STK32B: variants seen among roughly 807,000 people sequenced by gnomAD.
STK32B encodes serine/threonine kinase 32B.
STK32B carries 43 observed loss-of-function variants against 52.6 expected under a neutral mutation model. The observed-to-expected ratio is 0.82, with a 90% CI of 0.64 to 1.05. The LOEUF (loss-of-function observed/expected upper bound fraction) is 1.05. Ranked by LOEUF, STK32B falls within the 50% of genes least tolerant of loss-of-function variation. The pLI, the probability that STK32B is intolerant of heterozygous loss-of-function variation, is 0.00. For synonymous variants in STK32B, 238 were observed against 204.3 expected, an observed-to-expected ratio of 1.17 and a Z score of -1.41; for missense variants, 621 against 534.6, an observed-to-expected ratio of 1.16 and a Z score of -1.59.
chr4:5,465,895 G>C (rs919417410), intron 9 of STK32B, among the ~76,000 whole-genome samples: 2 of 152,094 alleles, frequency 1.3e-5, no homozygotes, highest in African/African-American at 4.8e-5. Context: ...GTACTTTATA[G>C]ATATTATATT....
intron 3 of STK32B, among the ~76,000 whole-genome samples, chr4:5,280,977 G>A (rs1225212624): frequency 2.6e-5 from 4 of 152,090 alleles, no homozygotes; most frequent in African/African-American, 7.2e-5. Context: ...AAAAAAACAG[G>A]TTTAATTGAC....
At position 5,142,906 on chromosome 4, in the gene STK32B, T is replaced by G. The variant is rs866371113; in HGVS notation, c.108+2946T>G. 3.3e-5 allele frequency among the ~76,000 whole-genome samples: 5 copies of G among 152,128 alleles called. No homozygotes were observed. In the East Asian group the frequency reaches 9.7e-4, roughly 29 times the overall value. ...GGCCTCATCCAACCATTTGAAGACTTTAGGAGAAAAAGGCTGACTTCCCTG... is the reference window on the plus strand; with the variant it reads ...GGCCTCATCCAACCATTTGAAGACTGTAGGAGAAAAAGGCTGACTTCCCTG... On this transcript the variant is annotated intron_variant, in intron 2 of 11. Coordinates refer to ENST00000282908, the MANE Select transcript of STK32B (RefSeq NM_018401.3).
At chr4:5,071,242 C>G (rs12643314) in intron 1 of STK32B, among the ~76,000 whole-genome samples, 52,161 of 152,012 alleles carry the variant, frequency 0.34, 10,345 homozygotes, top group East Asian at 0.49. Context: ...GCCAGGAAAA[C>G]ATGTTACTCC....
intron 4 of STK32B, among the ~76,000 whole-genome samples, chr4:5,374,026 A>G (rs1735422174): frequency 6.6e-6 from 1 of 152,100 alleles, no homozygotes; most frequent in South Asian, 2.1e-4. Context: ...CCTAAATCCA[A>G]TGACTGATGT....
chr4:5,279,550 G>A (rs1728057663), intron 3 of STK32B, among the ~76,000 whole-genome samples: 1 of 152,180 alleles, frequency 6.6e-6, no homozygotes, highest in Non-Finnish European at 1.5e-5. Context: ...AGCTGTCAGT[G>A]ATCAACCATT....
intron 3 of STK32B, among the ~76,000 whole-genome samples, chr4:5,215,226 A>G (rs1206889351): frequency 6.6e-6 from 1 of 151,938 alleles, no homozygotes; most frequent in Non-Finnish European, 1.5e-5. Context: ...GTTCTAAGTC[A>G]GAAAGGAAAT....
intron 3 of STK32B, among the ~76,000 whole-genome samples, chr4:5,291,460 A>G (rs191921060): frequency 4.6e-5 from 7 of 152,220 alleles, no homozygotes; most frequent in Non-Finnish European, 1.0e-4. Context: ...CAGATTATTC[A>G]TTCCTAGTGT....
chr4:5,434,559 C>CA (rs1713879827), intron 6 of STK32B, among the ~76,000 whole-genome samples: 1 of 151,814 alleles, frequency 6.6e-6, no homozygotes, highest in Non-Finnish European at 1.5e-5. Context: ...AGGTTGTCAT[C>CA]ATTCTGGTTG....
intron 7 of STK32B, among the ~76,000 whole-genome samples, chr4:5,449,945 T>C (rs541565620): frequency 2.3e-4 from 35 of 152,276 alleles, no homozygotes; most frequent in Admixed American, 5.2e-4. Flanking sequence ...TAATTATATA[T>C]TACAATATCA....
chr4:5,487,075 C>T (rs192001139), intron 11 of STK32B, among the ~76,000 whole-genome samples: 37 of 152,332 alleles, frequency 2.4e-4, no homozygotes, highest in Admixed American at 7.2e-4. Context: ...CAAGCTGTTT[C>T]TCTGAAAGTG....
chr4:5,175,393 T>C (rs567153525), intron 3 of STK32B, among the ~76,000 whole-genome samples: 1 of 152,348 alleles, frequency 6.6e-6, no homozygotes, highest in East Asian at 1.9e-4. Flanking sequence ...TTTTTAGAGT[T>C]TCCAGTTTTT....
chr4:5,102,426 C>T (rs1713837100), intron 1 of STK32B, among the ~76,000 whole-genome samples: 2 of 144,408 alleles, frequency 1.4e-5, no homozygotes, highest in Admixed American at 6.9e-5. Flanking sequence ...TTTCCTTCTT[C>T]TCCTTCCTTG....
At chr4:5,448,731 C>T (rs1715704347) in intron 7 of STK32B, among the ~76,000 whole-genome samples, 1 of 152,132 alleles carries the variant, frequency 6.6e-6, no homozygotes. Flanking sequence ...GGGATCCAGG[C>T]CTTTGGCATG....
At chr4:5,495,018 T>C (rs1003268594) in intron 11 of STK32B, among the ~76,000 whole-genome samples, 1 of 152,166 alleles carries the variant, frequency 6.6e-6, no homozygotes, top group Non-Finnish European at 1.5e-5. Context: ...ATTTTTTCCT[T>C]CATTTCAACT....
chr4:5,252,363 A>G lies in STK32B; in HGVS notation c.261-78857A>G, dbSNP rs188285274. The stretch of plus-strand genomic sequence containing the variant: ...AGATCAATTTCGGTGTTCCTGTTTT[A>G]CAGGAAAATAAAGCTAAAGCTCATG... On this transcript the variant is annotated intron_variant, in intron 3 of 11. Transcript: ENST00000282908. Among the ~76,000 whole-genome samples the G allele has an allele frequency of 5.5e-4, 84 of 152,334 alleles. 2 individuals carry two copies. The South Asian group carries it at 0.015, about 27-fold the overall frequency.
At chr4:5,067,681 C>T (rs1226707398) in intron 1 of STK32B, among the ~76,000 whole-genome samples, 3 of 151,720 alleles carry the variant, frequency 2.0e-5, no homozygotes, top group Non-Finnish European at 4.4e-5. Flanking sequence ...GTGTATTAGT[C>T]CATTCTCACA....
At chr4:5,182,734 C>G (rs1467825160) in intron 3 of STK32B, among the ~76,000 whole-genome samples, 1 of 152,124 alleles carries the variant, frequency 6.6e-6, no homozygotes, top group Non-Finnish European at 1.5e-5. Flanking sequence ...GCTGGGATTA[C>G]AGATGTGAGC....
chr4:5,499,268 C>CA lies in STK32B; in HGVS notation c.*186dup. 1.4e-6 allele frequency: 1 copy of CA among 728,468 alleles called. No individual in the cohort carries two copies. The highest frequency in any genetic ancestry group is 2.0e-6 in the Non-Finnish European group (1 of 502,016). 45.1% of individuals were successfully genotyped at this position (728,468 alleles called of 1,614,324 possible). A position where few individuals can be genotyped will look rare whatever the true frequency, so the allele number is the denominator to read the frequency against. Reference sequence around the variant, plus strand: ...TCCATGACTGATTCACGTGTGACCTCAGACAAGTCACGCCCTCTCTGTGCC... The same window carrying CA: ...TCCATGACTGATTCACGTGTGACCTCAAGACAAGTCACGCCCTCTCTGTGCC... On this transcript the variant is annotated 3_prime_UTR_variant, in exon 12 of 12. Transcript: ENST00000282908.
At chr4:5,087,577 G>T (rs1358977313) in intron 1 of STK32B, among the ~76,000 whole-genome samples, 1 of 151,568 alleles carries the variant, frequency 6.6e-6, no homozygotes, top group African/African-American at 2.4e-5. Context: ...CAAATAATTT[G>T]ATAGATAGAT....
Sources: gnomAD v4.1 joint callset for allele counts (sites outside exome capture counted in the v4.1 genomes callset) on GRCh38, gnomAD v4.1.1 for gene constraint, MANE v1.5 for transcripts, NCBI Gene and HGNC (gene_info 2026-07-23, HGNC 2026-07-21) for gene names.